The following COMMD10 variants were observed in gnomAD, a reference collection of about 807,000 sequenced individuals.
COMMD10 encodes the protein COMM domain-containing protein 10.
Under a neutral mutation model 28.9 loss-of-function variants are expected in COMMD10, and 33 were observed. The observed-to-expected ratio is 1.14, with a 90% CI of 0.87 to 1.53. The LOEUF (loss-of-function observed/expected upper bound fraction) is 1.53, where lower values mean the gene tolerates loss of function less well. Among genes scored for constraint, COMMD10 ranks in the 40% most tolerant of loss-of-function variants. COMMD10 has a pLI of 0.00. For synonymous variants in COMMD10, 110 were observed against 81.7 expected, an observed-to-expected ratio of 1.35 and a Z score of -1.87; for missense variants, 310 against 233.4, an observed-to-expected ratio of 1.33 and a Z score of -2.14.
intron 5 of COMMD10, among the ~76,000 whole-genome samples, chr5:116,202,415 T>C (rs1748694286): frequency 1.3e-5 from 2 of 152,088 alleles, no homozygotes; most frequent in South Asian, 4.2e-4. Context: ...ATGGAATGGC[T>C]GGGTCAAATG....
intron 5 of COMMD10, among the ~76,000 whole-genome samples, chr5:116,175,752 T>C (rs988462496): frequency 6.6e-6 from 1 of 152,146 alleles, no homozygotes; most frequent in Non-Finnish European, 1.5e-5. Flanking sequence ...GACATTCAGC[T>C]AAGTAAAATA....
chr5:116,137,663 C>G (rs1038359305), intron 5 of COMMD10, among the ~76,000 whole-genome samples: 1 of 151,914 alleles, frequency 6.6e-6, no homozygotes, highest in African/African-American at 2.4e-5. Flanking sequence ...AGCTCCTTAT[C>G]TTCTTTTTCA....
intron 1 of COMMD10, among the ~76,000 whole-genome samples, chr5:116,086,296 A>T (rs891093135): frequency 6.6e-6 from 1 of 152,068 alleles, no homozygotes; most frequent in South Asian, 2.1e-4. Flanking sequence ...CTTTCCTCAT[A>T]CCAGTGTCTT....
At chr5:116,247,784 G>A (rs1359674620) in intron 5 of COMMD10, among the ~76,000 whole-genome samples, 2 of 151,950 alleles carry the variant, frequency 1.3e-5, no homozygotes, top group Admixed American at 1.3e-4. Flanking sequence ...TACATACAGG[G>A]GAACAACACA....
intron 4 of COMMD10, among the ~76,000 whole-genome samples, chr5:116,095,984 A>G (rs192285596): frequency 2.6e-3 from 396 of 152,240 alleles, no homozygotes; most frequent in African/African-American, 9.1e-3. Context: ...GTCTATGCCA[A>G]TATCACACTG....
intron 5 of COMMD10, among the ~76,000 whole-genome samples, chr5:116,211,568 C>G (rs893087497): frequency 6.6e-6 from 1 of 152,038 alleles, no homozygotes; most frequent in Non-Finnish European, 1.5e-5. Context: ...CATCATTATT[C>G]AGTGCATGAC....
chr5:116,085,785 A>C (rs916188128), intron 1 of COMMD10, among the ~76,000 whole-genome samples: 13 of 152,220 alleles, frequency 8.5e-5, no homozygotes, highest in Non-Finnish European at 1.8e-4. Context: ...ATACAGAAAA[A>C]GTACTGAAGT....
chr5:116,207,940 A>G (rs980556642), intron 5 of COMMD10, among the ~76,000 whole-genome samples: 1 of 152,172 alleles, frequency 6.6e-6, no homozygotes, highest in Non-Finnish European at 1.5e-5. Flanking sequence ...CTCTGGGAAT[A>G]AGAGACCTTC....
At chr5:116,227,059 C>T (rs773048348) in intron 5 of COMMD10, among the ~76,000 whole-genome samples, 1 of 152,048 alleles carries the variant, frequency 6.6e-6, no homozygotes, top group Non-Finnish European at 1.5e-5. Flanking sequence ...CTTTTGCCTT[C>T]TGGTGTTACA....
At chr5:116,240,954 G>C (rs1371257437) in intron 5 of COMMD10, among the ~76,000 whole-genome samples, 1 of 152,042 alleles carries the variant, frequency 6.6e-6, no homozygotes, top group Non-Finnish European at 1.5e-5. Context: ...TTTAATCTGA[G>C]GTAGATCCAT....
At chr5:116,270,730 A>T (rs550618290) in intron 5 of COMMD10, among the ~76,000 whole-genome samples, 14 of 151,856 alleles carry the variant, frequency 9.2e-5, no homozygotes, top group Non-Finnish European at 1.9e-4. Flanking sequence ...TGAGGTCAGG[A>T]GCTCACGACC....
chr5:116,129,878 A>C (rs953611219), intron 4 of COMMD10, among the ~76,000 whole-genome samples: 4 of 148,688 alleles, frequency 2.7e-5, no homozygotes, highest in African/African-American at 9.8e-5. Context: ...ATTAAGTATT[A>C]GTTTGTAATA....
intron 5 of COMMD10, among the ~76,000 whole-genome samples, chr5:116,278,251 T>G (rs977414012): frequency 1.3e-5 from 2 of 151,798 alleles, no homozygotes; most frequent in Non-Finnish European, 2.9e-5. Flanking sequence ...AGTTTCTCAC[T>G]GTTAAAAAAG....
chr5:116,176,855 G>A (rs1355290958), intron 5 of COMMD10, among the ~76,000 whole-genome samples: 2 of 152,150 alleles, frequency 1.3e-5, no homozygotes, highest in African/African-American at 2.4e-5. Context: ...TGATACGTGA[G>A]TAACTATAAA....
chr5:116,228,814 T>G (rs910228500), intron 5 of COMMD10, among the ~76,000 whole-genome samples: 2 of 152,046 alleles, frequency 1.3e-5, no homozygotes, highest in African/African-American at 4.8e-5. Flanking sequence ...AAACAAACTT[T>G]AACTGTTTCT....
chr5:116,252,436 T>C (rs1297067276), intron 5 of COMMD10, among the ~76,000 whole-genome samples: 1 of 127,286 alleles, frequency 7.9e-6, no homozygotes, highest in East Asian at 2.2e-4. Context: ...GTTTTAGGTC[T>C]AACATTTAAG....
chr5:116,160,936 C>T (rs1225893950), intron 5 of COMMD10, among the ~76,000 whole-genome samples: 1 of 151,912 alleles, frequency 6.6e-6, no homozygotes, highest in Non-Finnish European at 1.5e-5. Context: ...AGGCTTTTTT[C>T]CCCAGAAGGC....
At chr5:116,096,044 C>A (rs1245157774) in intron 4 of COMMD10, among the ~76,000 whole-genome samples, 1 of 151,994 alleles carries the variant, frequency 6.6e-6, no homozygotes, top group Non-Finnish European at 1.5e-5. Context: ...GTATTGTGAA[C>A]CCACTGACTT....
chr5:116,225,631 C>A (rs1032575080), intron 5 of COMMD10, among the ~76,000 whole-genome samples: 1 of 152,056 alleles, frequency 6.6e-6, no homozygotes, highest in Admixed American at 6.6e-5. Flanking sequence ...AGATGCTCAT[C>A]TTCTTTGTTG....
Sources: allele counts gnomAD v4.1 joint callset (sites outside exome capture counted in the v4.1 genomes callset), GRCh38; gene constraint gnomAD v4.1.1; transcripts MANE v1.5; gene names NCBI Gene and HGNC (gene_info 2026-07-23, HGNC 2026-07-21).